The following GGT1 variants were observed in gnomAD, a reference collection of about 807,000 sequenced individuals.
The protein encoded by GGT1 is gamma-glutamyltransferase 1.
GGT1 carries 21 observed loss-of-function variants against 56.0 expected under a neutral mutation model. The observed-to-expected ratio is 0.38, with a 90% CI of 0.27 to 0.54. GGT1 has a LOEUF of 0.54. Among genes scored for constraint, GGT1 ranks in the 20% least tolerant of loss-of-function variants. The pLI is 0.82. For synonymous variants in GGT1, 238 were observed against 342.6 expected, an observed-to-expected ratio of 0.69 and a Z score of 3.37; for missense variants, 466 against 787.0, an observed-to-expected ratio of 0.59 and a Z score of 4.88.
Position 24,628,980 on chromosome 22 carries a change from G to A in GGT1, c.*141G>A. On this transcript the variant is annotated 3_prime_UTR_variant, in exon 16 of 16. Coordinates refer to ENST00000400382, the MANE Select transcript of GGT1 (RefSeq NM_001288833.2). The surrounding 1 kb of genome is among the most constrained non-coding windows in gnomAD (Gnocchi z 5.7). ...GAGGCCACTGTGCCAGGCTCCAGGT[G>A]GCCTCCCTGGCCTGTCTCCCCACTC... 1 of 1,225,658 alleles carries A rather than the reference G, an allele frequency of 8.2e-7. No homozygotes were observed. The highest frequency in any genetic ancestry group is 2.3e-5 in the Admixed American group (1 of 44,140). The allele number at this position is 1,225,658 out of a possible 1,614,324, so 75.9% of individuals were successfully genotyped here. A position where few individuals can be genotyped will look rare whatever the true frequency, so the allele number is the denominator to read the frequency against.
At chr22:24,586,290 G>C in the GGT1 span, 9 of 1,613,866 alleles carry the variant, frequency 5.6e-6, no homozygotes, top group African/African-American at 9.3e-5. Context: ...AGCACCGCCA[G>C]CACAGCACCA....
At chr22:24,585,495 C>G in the GGT1 span, 51 of 233,114 alleles carry the variant, frequency 2.2e-4, no homozygotes, top group Non-Finnish European at 3.7e-4. Context: ...CCATGGGGGA[C>G]TTGCCCAAAG....
rs2045980562 is a variant in GGT1, at chr22:24,605,114, T to TTATATAATATGTAATATATTATATAA, written c.-429+1601_-429+1626dup. On this transcript the variant is annotated intron_variant, in intron 1 of 15. Coordinates refer to ENST00000400382, the MANE Select transcript of GGT1 (RefSeq NM_001288833.2). Reference sequence around the variant, plus strand: ...TATATAATATGTATTATATTATATATTATATAATATGTAATATATTATATA... The same window carrying TTATATAATATGTAATATATTATATAA: ...TATATAATATGTATTATATTATATATTATATAATATGTAATATATTATATAATATATAATATGTAATATATTATATA... Among the ~76,000 whole-genome samples the TTATATAATATGTAATATATTATATAA allele has an allele frequency of 2.5e-4, 2 of 7,926 alleles. 1 individual carries two copies. The highest frequency in any genetic ancestry group is 4.7e-3 in the Admixed American group (2 of 430). 5.2% of individuals were successfully genotyped at this position (7,926 alleles called of 152,430 possible).
At chr22:24,584,956 G>GC in the GGT1 span, among the ~76,000 whole-genome samples, 2 of 151,944 alleles carry the variant, frequency 1.3e-5, no homozygotes, top group African/African-American at 4.8e-5. Context: ...GCCAAGGGCA[G>GC]CCCTAGGACT....
At chr22:24,616,362 C>T (rs184841519) in intron 7 of GGT1, among the ~76,000 whole-genome samples, 134 of 149,144 alleles carry the variant, frequency 9.0e-4, no homozygotes, top group African/African-American at 3.0e-3. Flanking sequence ...TGCAGTGAGC[C>T]GAGATCATGC....
intron 1 of GGT1, among the ~76,000 whole-genome samples, chr22:24,596,547 C>G (rs1478599144): frequency 1.3e-5 from 2 of 152,084 alleles, no homozygotes; most frequent in African/African-American, 4.8e-5. Context: ...GCTTCAGCCT[C>G]CCAAGTAGCT....
intron 7 of GGT1, among the ~76,000 whole-genome samples, chr22:24,616,553 T>A (rs1370076794): frequency 6.0e-5 from 9 of 149,126 alleles, no homozygotes; most frequent in South Asian, 2.1e-4. Flanking sequence ...CTTTTTTTTT[T>A]CTTTTTTTTT....
In GGT1 at chr22:24,597,139, C is replaced by T. The variant is rs185458815; in HGVS notation, c.-324+2253C>T. Among the ~76,000 whole-genome samples the T allele has an allele frequency of 2.4e-3, 367 of 151,908 alleles. 3 individuals carry two copies. The highest frequency in any genetic ancestry group is 8.4e-3 in the African/African-American group (350 of 41,460). Reference sequence around the variant, plus strand: ...CTGGGATTACAGGTGCCCGCCACCACGCCCAGCTAATTTTTGTATTTTTAG... The same window carrying T: ...CTGGGATTACAGGTGCCCGCCACCATGCCCAGCTAATTTTTGTATTTTTAG... On this transcript the variant is annotated intron_variant, in intron 1 of 6. Transcript: ENST00000411974.
intron 2 of GGT1, chr22:24,609,431 G>A (rs2046524599): frequency 6.5e-6 from 1 of 154,780 alleles, no homozygotes; most frequent in South Asian, 1.9e-4. Flanking sequence ...AGGGCTGGGA[G>A]GGGGTCAAAT....
the GGT1 span, among the ~76,000 whole-genome samples, chr22:24,586,930 C>T: frequency 2.0e-5 from 3 of 152,246 alleles, no homozygotes; most frequent in Non-Finnish European, 4.4e-5. Flanking sequence ...GGATTAAATG[C>T]ACACACAGTA....
At chr22:24,588,319 A>G in the GGT1 span, 1 of 1,612,036 alleles carries the variant, frequency 6.2e-7, no homozygotes, top group Admixed American at 1.7e-5. Context: ...GGACTTCCAG[A>G]GCTCATAGTC....
chr22:24,584,252 A>G, the GGT1 span, among the ~76,000 whole-genome samples: 2 of 152,134 alleles, frequency 1.3e-5, no homozygotes, highest in African/African-American at 4.8e-5. Context: ...CTGAGAGCTG[A>G]AAGTCCTATT....
chr22:24,588,406 G>T, the GGT1 span: 1 of 1,140,354 alleles, frequency 8.8e-7, no homozygotes. Context: ...AGGGACCCAG[G>T]CAGCCAAGTG....
chr22:24,610,081 C>T (rs1463547136), intron 3 of GGT1, 48 bp downstream of exon 3: 10 of 451,306 alleles, frequency 2.2e-5, no homozygotes, highest in Middle Eastern at 7.5e-4. Flanking sequence ...GCGGTGCCCC[C>T]TGAGCCCCCT....
upstream of GGT1, among the ~76,000 whole-genome samples, chr22:24,602,931 C>T (rs200667158): frequency 4.0e-5 from 6 of 151,312 alleles, no homozygotes; most frequent in East Asian, 1.9e-4. Context: ...ATCTGCCTCC[C>T]GCTGAAACCC....
In GGT1 at chr22:24,605,088, T is replaced by TTATATAA. The variant is rs2045970298; in HGVS notation, c.-429+1565_-429+1571dup. Among the ~76,000 whole-genome samples the TTATATAA allele has an allele frequency of 2.1e-4, 2 of 9,706 alleles. 1 individual carries two copies. Among genetic ancestry groups the TTATATAA allele is most frequent in the African/African-American group, 2.5e-3 (2 of 808 alleles). 6.4% of individuals were successfully genotyped at this position (9,706 alleles called of 152,430 possible). ...TGTAATATATAATATATAAAGTATA[T>TTATATAA]TATATAATATGTATTATATTATATA... is the stretch of plus-strand genomic sequence containing the variant. On this transcript the variant is annotated intron_variant, in intron 1 of 15. Transcript: ENST00000400382.
chr22:24,609,634 G>C (rs1027058227), intron 2 of GGT1: 3 of 277,170 alleles, frequency 1.1e-5, no homozygotes, highest in Admixed American at 1.0e-4. Flanking sequence ...AATCCAGCTT[G>C]GGGCTCATTG....
At chr22:24,614,343 T>C in intron 5 of GGT1, among the ~76,000 whole-genome samples, 2 of 84,958 alleles carry the variant, frequency 2.4e-5, no homozygotes, top group Non-Finnish European at 4.3e-5. Context: ...AGAGAGACTT[T>C]GTCTCAAAAA....
upstream of GGT1, chr22:24,590,000 G>A (rs577709668): frequency 2.1e-5 from 32 of 1,504,054 alleles, no homozygotes; most frequent in African/African-American, 4.2e-5. Flanking sequence ...CTCCCATCTC[G>A]AGGCACCACC....
Sources: allele counts gnomAD v4.1 joint callset (sites outside exome capture counted in the v4.1 genomes callset), GRCh38; gene constraint gnomAD v4.1.1; non-coding constraint Gnocchi (gnomAD v3.1); transcripts MANE v1.5; gene names NCBI Gene and HGNC (gene_info 2026-07-23, HGNC 2026-07-21).